The following USP34 variants were observed in gnomAD, a reference collection of about 807,000 sequenced individuals.
USP34 encodes the protein ubiquitin carboxyl-terminal hydrolase 34.
USP34 carries 70 observed loss-of-function variants against 460.3 expected under a neutral mutation model. The observed-to-expected ratio is 0.15, with a 90% CI of 0.13 to 0.19. USP34 has a LOEUF of 0.19. USP34 is among the 10% of genes least tolerant of loss of function. The probability of loss-of-function intolerance (pLI) is 1.00; values close to 1 mark genes in which losing one functional copy is unlikely to be tolerated. For synonymous variants in USP34, 1,647 were observed against 1,405.3 expected, an observed-to-expected ratio of 1.17 and a Z score of -3.85; for missense variants, 3,985 against 4,236.2, an observed-to-expected ratio of 0.94 and a Z score of 1.65.
At chr2:61,201,826 T>G (rs1468860339) in intron 75 of USP34, among the ~76,000 whole-genome samples, 1 of 152,180 alleles carries the variant, frequency 6.6e-6, no homozygotes, top group African/African-American at 2.4e-5. Flanking sequence ...TACCAAAAAT[T>G]TTTTAAAAAG....
At chr2:61,243,585 A>G (rs1688336185) in intron 51 of USP34, among the ~76,000 whole-genome samples, 1 of 150,534 alleles carries the variant, frequency 6.6e-6, no homozygotes. Flanking sequence ...TTTAAAAGGA[A>G]ACATTCGGCT....
chr2:61,400,291 A>G (rs968398660), intron 3 of USP34, among the ~76,000 whole-genome samples: 1 of 152,016 alleles, frequency 6.6e-6, no homozygotes, highest in Non-Finnish European at 1.5e-5. Context: ...TTCTATTTTT[A>G]GTAGAGACAG....
chr2:61,353,826 G>A (rs1298661661), intron 10 of USP34, among the ~76,000 whole-genome samples: 3 of 152,024 alleles, frequency 2.0e-5, no homozygotes, highest in East Asian at 3.9e-4. Context: ...CAAAGGGACA[G>A]AAATTATAAA....
chr2:61,280,401 A>T, intron 38 of USP34, 53 bp from the exon 39 acceptor site: 1 of 882,908 alleles, frequency 1.1e-6, no homozygotes, highest in Non-Finnish European at 1.6e-6. Context: ...AAATAAAATT[A>T]TAATACATTT....
At chr2:61,300,846 T>C (rs945579424) in intron 29 of USP34, 105 bp downstream of exon 29, 9 of 700,470 alleles carry the variant, frequency 1.3e-5, no homozygotes, top group Non-Finnish European at 1.6e-5. Flanking sequence ...GGAGAGAAAA[T>C]TATTATATAC....
intron 10 of USP34, among the ~76,000 whole-genome samples, chr2:61,355,154 T>A (rs1280951308): frequency 6.6e-6 from 1 of 152,170 alleles, no homozygotes. Context: ...CTTCAAAAGT[T>A]CTGGGGAATA....
chr2:61,312,450 A>G (rs1210498216), intron 25 of USP34, among the ~76,000 whole-genome samples: 2 of 151,942 alleles, frequency 1.3e-5, no homozygotes, highest in African/African-American at 2.4e-5. Context: ...GATAATCACT[A>G]AACACGTGTC....
At chr2:61,356,793 T>G (rs1015335402) in intron 10 of USP34, among the ~76,000 whole-genome samples, 1 of 152,166 alleles carries the variant, frequency 6.6e-6, no homozygotes, top group Non-Finnish European at 1.5e-5. Flanking sequence ...AGAGATCTAT[T>G]GCACAATGCA....
intron 7 of USP34, among the ~76,000 whole-genome samples, chr2:61,379,447 G>C (rs1357816716): frequency 1.3e-5 from 2 of 152,138 alleles, no homozygotes; most frequent in Non-Finnish European, 2.9e-5. Context: ...TTGAACCCAG[G>C]AGGTGGAGGT....
In USP34 at chr2:61,227,206, C is replaced by A. The variant is rs755144110; in HGVS notation, c.7456G>T (p.Val2486Leu). Residue 2486 changes from valine to leucine, a missense_variant, in exon 62 of 80, where the codon GTG (valine) becomes TTG (leucine). Coordinates refer to ENST00000398571, the MANE Select transcript of USP34 (RefSeq NM_014709.4). ...TKGPENPQVE[V>L]LSEEEGEEEE... ...TCTTCCCCTTCTTCCTCTGATAACA[C>A]TTCAACTTGAGGCTAAGTTGGAATA... 3.7e-6 allele frequency: 6 copies of A among 1,611,594 alleles called. No individual in the cohort carries two copies. The highest frequency in any genetic ancestry group is 4.2e-6 in the Non-Finnish European group (5 of 1,178,888).
chr2:61,331,182 T>C (rs1691249870), intron 20 of USP34, 94 bp downstream of exon 20: 1 of 1,046,256 alleles, frequency 9.6e-7, no homozygotes. Flanking sequence ...TTACAATTAC[T>C]TATTATATGA....
intron 61 of USP34, among the ~76,000 whole-genome samples, 169 bp downstream of exon 61, chr2:61,228,476 A>T (rs1687794588): frequency 6.6e-6 from 1 of 152,204 alleles, no homozygotes; most frequent in East Asian, 1.9e-4. Flanking sequence ...TTCTTGCTAT[A>T]TCCATTAAAA....
Position 61,370,368 on chromosome 2 carries a change from C to A in USP34, c.1204G>T (p.Gly402Trp). ...QVILNFLAAE[G>W]RLSTQHIDCI... The stretch of plus-strand genomic sequence containing the variant: ...TCAATATGTTGAGTACTCAGTCGCC[C>A]TTCTGCTGCCAAAAAATTCAAAATC... Residue 402 changes from glycine (G) to tryptophan (W), a missense_variant, in exon 10 of 80, where the codon GGG becomes TGG. Coordinates refer to ENST00000398571, the MANE Select transcript of USP34 (RefSeq NM_014709.4). 1 of 1,614,062 alleles carries A rather than the reference C, an allele frequency of 6.2e-7. No homozygotes were observed. Among genetic ancestry groups the A allele is most frequent in the Non-Finnish European group, 8.5e-7 (1 of 1,179,972 alleles).
At chr2:61,318,267 A>T (rs1248574359) in intron 22 of USP34, among the ~76,000 whole-genome samples, 1 of 152,084 alleles carries the variant, frequency 6.6e-6, no homozygotes, top group African/African-American at 2.4e-5. Context: ...AATGTGTCTG[A>T]TACAGGCTTC....
intron 62 of USP34, among the ~76,000 whole-genome samples, chr2:61,225,547 C>T (rs1382039390): frequency 2.0e-5 from 3 of 151,852 alleles, no homozygotes; most frequent in Non-Finnish European, 4.4e-5. Context: ...CTGTCCCCTC[C>T]ACCCTGTTTT....
At chr2:61,338,216 G>A (rs1400475699) in intron 18 of USP34, among the ~76,000 whole-genome samples, 1 of 152,172 alleles carries the variant, frequency 6.6e-6, no homozygotes, top group African/African-American at 2.4e-5. Context: ...AGCTACTCAG[G>A]AGGCTGAGGT....
rs1693423249 is a variant in USP34, at chr2:61,393,650, T to C, written c.753+1203A>G. ...CAATGCAACAAAATATTTGGTTGAGTCACTTTTCACCCAATATTTTTATTT... is the reference window on the plus strand; with the variant it reads ...CAATGCAACAAAATATTTGGTTGAGCCACTTTTCACCCAATATTTTTATTT... On this transcript the variant is annotated intron_variant, in intron 5 of 79. Coordinates refer to ENST00000398571, the MANE Select transcript of USP34 (RefSeq NM_014709.4). Among the ~76,000 whole-genome samples, 4 of 152,072 alleles carry C rather than the reference T, an allele frequency of 2.6e-5. No individual in the cohort carries two copies. In the South Asian group the frequency reaches 8.3e-4, roughly 31 times the overall value.
Position 61,266,097 on chromosome 2 carries a change from C to T in USP34, c.5504G>A (p.Cys1835Tyr). The T allele has an allele frequency of 2.5e-6, 4 of 1,614,000 alleles. No individual in the cohort carries two copies. Among genetic ancestry groups the T allele is most frequent in the Non-Finnish European group, 3.4e-6 (4 of 1,179,906 alleles). ...PSLKDRQQPK[C>Y]KSHSSRAAAY... ...GGCAGCTCTTGAAGAATGTGATTTG[C>T]ACTTTGGCTGTTGTCGGTCCTTTAG... Residue 1835 changes from cysteine to tyrosine, a missense_variant, in exon 42 of 80, where the codon TGC (cysteine) becomes TAC (tyrosine). By Grantham distance (194) the Cys-to-Tyr change is radical. Transcript: ENST00000398571.
chr2:61,335,162 T>C (rs938830017), intron 18 of USP34, among the ~76,000 whole-genome samples: 2 of 152,216 alleles, frequency 1.3e-5, no homozygotes, highest in African/African-American at 4.8e-5. Flanking sequence ...TAATAATTTA[T>C]GTTTCAATGA....
Sources: gnomAD v4.1 joint callset for allele counts (sites outside exome capture counted in the v4.1 genomes callset) on GRCh38, gnomAD v4.1.1 for gene constraint, MANE v1.5 for transcripts, NCBI Gene and HGNC (gene_info 2026-07-23, HGNC 2026-07-21) for gene names.